Variants in PHF21A observed in about 807,000 individuals in gnomAD.
PHF21A encodes PHD finger protein 21A.
PHF21A carries 11 observed loss-of-function variants against 82.5 expected under a neutral mutation model. The observed-to-expected ratio is 0.13, with a 90% confidence interval of 0.08 to 0.22. PHF21A has a LOEUF of 0.22. Ranked by LOEUF, PHF21A falls within the 10% of genes least tolerant of loss-of-function variation. PHF21A has a pLI of 1.00. For synonymous variants in PHF21A, 297 were observed against 302.8 expected (o/e 0.98, Z 0.20); for missense variants, 579 against 837.8 (o/e 0.69, Z 3.81).
chr11:46,078,186 G>A (rs1592906442), intron 5 of PHF21A, among the ~76,000 whole-genome samples: 1 of 152,298 alleles, frequency 6.6e-6, no homozygotes, highest in Non-Finnish European at 1.5e-5. Context: ...ATAAGTACGG[G>A]CTACCAATGC....
At chr11:45,971,470 CAATAA>C in intron 7 of PHF21A, 103 bp from the exon 8 acceptor site, 1 of 1,037,652 alleles carries the variant, frequency 9.6e-7, no homozygotes, top group African/African-American at 1.6e-5. Context: ...GAAAACAAAA[CAATAA>C]TTCTCATAAT....
chr11:46,019,080 TA>T (rs1387920363), intron 6 of PHF21A, among the ~76,000 whole-genome samples: 5 of 151,616 alleles, frequency 3.3e-5, no homozygotes, highest in Non-Finnish European at 5.9e-5. Context: ...AAGCCTAATC[TA>T]ATTTTTTTTT....
At chr11:46,038,314 T>TA (rs2096059246) in intron 6 of PHF21A, among the ~76,000 whole-genome samples, 1 of 151,874 alleles carries the variant, frequency 6.6e-6, no homozygotes, top group African/African-American at 2.4e-5. Context: ...TTTTAGTAGA[T>TA]ACGGGGTTTC....
Position 45,971,422 on chromosome 11 carries a change from C to G in PHF21A, c.361-55G>C. 2.8e-6 allele frequency: 4 copies of G among 1,446,324 alleles called. No homozygotes were observed. The Admixed American group carries it at 7.7e-5, about 28-fold the overall frequency. 89.6% of individuals were successfully genotyped at this position (1,446,324 alleles called of 1,614,324 possible). A position where few individuals can be genotyped will look rare whatever the true frequency, so the allele number is the denominator to read the frequency against. On this transcript the variant is annotated intron_variant, in intron 7 of 18. Transcript: ENST00000676320. The stretch of plus-strand genomic sequence containing the variant: ...CACTAAATCTAAACTAAATAATAAA[C>G]TAAATCCCACTAAACAATATGCTGC...
intron 6 of PHF21A, among the ~76,000 whole-genome samples, chr11:45,999,361 GAGTA>G (rs1299015477): frequency 6.6e-6 from 1 of 152,150 alleles, no homozygotes; most frequent in Admixed American, 6.5e-5. Context: ...TGCAGAAATG[GAGTA>G]AGGCAAGTTT....
At chr11:45,952,133 G>A (rs2092205754) in intron 11 of PHF21A, among the ~76,000 whole-genome samples, 1 of 152,206 alleles carries the variant, frequency 6.6e-6, no homozygotes, top group Admixed American at 6.5e-5. Flanking sequence ...ATAAAAAGCT[G>A]TCAAAAACTT....
chr11:46,103,550 T>C (rs961282143), intron 1 of PHF21A, among the ~76,000 whole-genome samples: 1 of 152,158 alleles, frequency 6.6e-6, no homozygotes, highest in African/African-American at 2.4e-5. Context: ...AGGGACAAAA[T>C]AAAATATACA....
intron 10 of PHF21A, among the ~76,000 whole-genome samples, chr11:45,963,518 G>A (rs2093248142): frequency 6.6e-6 from 1 of 151,468 alleles, no homozygotes; most frequent in African/African-American, 2.4e-5. Context: ...TATGATAAAA[G>A]TTTACTCTCT....
chr11:46,101,012 C>T (rs966377869), intron 1 of PHF21A, among the ~76,000 whole-genome samples: 1 of 152,132 alleles, frequency 6.6e-6, no homozygotes, highest in Non-Finnish European at 1.5e-5. Context: ...GAAGGAAGTG[C>T]GGAACAAGAC....
At chr11:46,038,890 G>T (rs2096069125) in intron 6 of PHF21A, among the ~76,000 whole-genome samples, 1 of 152,050 alleles carries the variant, frequency 6.6e-6, no homozygotes, top group Admixed American at 6.6e-5. Context: ...GCCACATTGG[G>T]GATTAAGTTT....
intron 10 of PHF21A, among the ~76,000 whole-genome samples, chr11:45,961,542 T>C (rs887119091): frequency 1.3e-5 from 2 of 152,206 alleles, no homozygotes; most frequent in African/African-American, 2.4e-5. Flanking sequence ...CTTTAGAAGA[T>C]ACTGTGCAGA....
intron 1 of PHF21A, among the ~76,000 whole-genome samples, chr11:46,103,943 C>T (rs2097126421): frequency 6.6e-6 from 1 of 151,976 alleles, no homozygotes; most frequent in Non-Finnish European, 1.5e-5. Context: ...AATTATTTAC[C>T]CCAAAACTCC....
intron 6 of PHF21A, among the ~76,000 whole-genome samples, chr11:46,023,894 T>G (rs574702846): frequency 2.5e-3 from 385 of 152,314 alleles, no homozygotes; most frequent in African/African-American, 8.9e-3. Flanking sequence ...AGGCGGAGGT[T>G]GCAGTGAGCC....
intron 6 of PHF21A, among the ~76,000 whole-genome samples, chr11:46,005,068 C>G (rs763688711): frequency 6.6e-6 from 1 of 152,134 alleles, no homozygotes; most frequent in East Asian, 1.9e-4. Context: ...ACAGCAGTCC[C>G]CCACATCAGT....
intron 15 of PHF21A, among the ~76,000 whole-genome samples, chr11:45,941,184 G>C (rs549507637): frequency 6.6e-6 from 1 of 151,834 alleles, no homozygotes; most frequent in Non-Finnish European, 1.5e-5. Context: ...CTGCAGCCTC[G>C]ACCTCCCAGG....
chr11:45,988,783 C>A (rs1036182400), intron 6 of PHF21A, among the ~76,000 whole-genome samples: 1 of 151,926 alleles, frequency 6.6e-6, no homozygotes, highest in African/African-American at 2.4e-5. Context: ...CCCAGCTACT[C>A]GGGAAGCTGA....
chr11:46,063,738 TAA>T (rs1565805716), intron 6 of PHF21A, among the ~76,000 whole-genome samples: 1 of 152,164 alleles, frequency 6.6e-6, no homozygotes, highest in East Asian at 1.9e-4. Flanking sequence ...ACTAGAAATT[TAA>T]AGAGTTATAT....
rs540971251 is a variant in PHF21A at position 46,102,960 on chromosome 11, C to T, written c.-236-10737G>A. Among the ~76,000 whole-genome samples the T allele has an allele frequency of 5.9e-5, 9 of 152,002 alleles. No individual in the cohort carries two copies. The East Asian group carries it at 9.7e-4, about 16-fold the overall frequency. On this transcript the variant is annotated intron_variant, in intron 1 of 18. Transcript: ENST00000676320. ...GGAAGGATGAATAACAGGCAGGGGA[C>T]GGAAAGAGACCATCAAGAGGGTAAG...
chr11:46,088,312 C>T (rs1473669235), intron 3 of PHF21A, among the ~76,000 whole-genome samples: 1 of 152,176 alleles, frequency 6.6e-6, no homozygotes, highest in Non-Finnish European at 1.5e-5. Context: ...TCACTATCAG[C>T]AAGGCCACTT....
Sources: gnomAD v4.1 joint callset for allele counts (sites outside exome capture counted in the v4.1 genomes callset) on GRCh38, gnomAD v4.1.1 for gene constraint, MANE v1.5 for transcripts, NCBI Gene and HGNC (gene_info 2026-07-23, HGNC 2026-07-21) for gene names.